Variants in HERC4 observed in about 807,000 individuals in gnomAD.
HERC4 encodes the protein probable E3 ubiquitin-protein ligase HERC4.
A neutral mutation model predicts 124.3 loss-of-function variants in HERC4; 28 were observed. That is an observed-to-expected ratio of 0.23 (90% confidence interval 0.17 to 0.31). The LOEUF (loss-of-function observed/expected upper bound fraction) is 0.31, where lower values mean the gene tolerates loss of function less well. HERC4 is among the 10% of genes least tolerant of loss of function. HERC4 has a pLI of 1.00. For synonymous variants in HERC4, 407 were observed against 421.5 expected (o/e 0.97, Z 0.42); for missense variants, 713 against 1,229.3 (o/e 0.58, Z 6.28).
intron 16 of HERC4, among the ~76,000 whole-genome samples, chr10:67,960,357 G>C (rs1010468477): frequency 3.3e-5 from 5 of 152,020 alleles, no homozygotes; most frequent in South Asian, 4.2e-4. Context: ...GTTCTCAGAT[G>C]GAACTTTCTA....
At chr10:68,018,242 T>C (rs1019269139) in intron 8 of HERC4, among the ~76,000 whole-genome samples, 7 of 150,406 alleles carry the variant, frequency 4.7e-5, no homozygotes, top group African/African-American at 1.7e-4. Flanking sequence ...AAAAAATCCA[T>C]CAATATGCCA....
intron 9 of HERC4, among the ~76,000 whole-genome samples, chr10:67,997,658 T>C (rs960933197): frequency 7.2e-5 from 11 of 152,204 alleles, no homozygotes; most frequent in East Asian, 1.9e-4. Context: ...GAGGTGATTA[T>C]TAAAATTAGG....
intron 15 of HERC4, among the ~76,000 whole-genome samples, chr10:67,978,688 G>C (rs1412012692): frequency 6.6e-6 from 1 of 152,216 alleles, no homozygotes. Flanking sequence ...GCTGGCTTCA[G>C]GTCTGATCCA....
At position 67,932,731 on chromosome 10, in the gene HERC4, C is replaced by T. The variant is rs1426444967; in HGVS notation, c.2704G>A (p.Ala902Thr). Residue 902 changes from alanine to threonine, a missense_variant, in exon 23 of 25, where the codon GCT becomes ACT. Transcript: ENST00000373700. ...GCATGAAAAGCATCAAATAAGGAAG[C>T]CACTGATTTATTGAATATGTAATCC... ...YVDYIFNKSVASLFDAFHAGF... is the reference protein window; with the variant it reads ...YVDYIFNKSVTSLFDAFHAGF... 1 of 1,603,300 alleles carries T rather than the reference C, an allele frequency of 6.2e-7. No homozygotes were observed. Among genetic ancestry groups the T allele is most frequent in the African/African-American group, 1.4e-5 (1 of 74,052 alleles).
intron 5 of HERC4, among the ~76,000 whole-genome samples, chr10:68,037,676 C>CA (rs895005517): frequency 5.3e-5 from 8 of 151,834 alleles, no homozygotes; most frequent in African/African-American, 1.9e-4. Context: ...ATATAATAAA[C>CA]AAAAAATGAC....
rs576090806 is a variant in HERC4 at position 67,947,497 on chromosome 10, T to TAAGATAATAAC, written c.2338-6403_2338-6393dup. Reference sequence around the variant, plus strand: ...AATCAAAGCGAGGTATAGACAGTTCTAAGATAATAACTGGTAGCTTTAATA... The same window carrying TAAGATAATAAC: ...AATCAAAGCGAGGTATAGACAGTTCTAAGATAATAACAAGATAATAACTGGTAGCTTTAATA... On this transcript the variant is annotated intron_variant, in intron 19 of 24. Transcript: ENST00000373700. 3.5e-3 allele frequency among the ~76,000 whole-genome samples: 531 copies of TAAGATAATAAC among 152,350 alleles called. 2 individuals carry two copies. Among genetic ancestry groups the TAAGATAATAAC allele is most frequent in the Middle Eastern group, 0.027 (8 of 294 alleles).
intron 7 of HERC4, among the ~76,000 whole-genome samples, 158 bp downstream of exon 7, chr10:68,032,619 AT>A (rs2039265968): frequency 6.6e-6 from 1 of 152,098 alleles, no homozygotes; most frequent in African/African-American, 2.4e-5. Context: ...AATAAGGTAA[AT>A]TTTTTTCAAG....
At chr10:67,966,326 T>C (rs748094829) in intron 16 of HERC4, 134 of 217,874 alleles carry the variant, frequency 6.2e-4, no homozygotes, top group Non-Finnish European at 1.0e-3. Context: ...AATGCATTCT[T>C]AGGAGTTCCA....
At chr10:67,962,739 G>A (rs1301235711) in intron 16 of HERC4, among the ~76,000 whole-genome samples, 1 of 152,108 alleles carries the variant, frequency 6.6e-6, no homozygotes, top group Non-Finnish European at 1.5e-5. Flanking sequence ...AGGAGGATAA[G>A]GAAACTGAGA....
At chr10:68,037,804 C>A (rs1035664158) in intron 5 of HERC4, among the ~76,000 whole-genome samples, 25 of 152,088 alleles carry the variant, frequency 1.6e-4, no homozygotes, top group African/African-American at 5.1e-4. Context: ...CTTAAATGGA[C>A]AAATATACCG....
At chr10:68,006,771 T>C (rs1293373381) in intron 9 of HERC4, among the ~76,000 whole-genome samples, 1 of 152,210 alleles carries the variant, frequency 6.6e-6, no homozygotes, top group African/African-American at 2.4e-5. Context: ...ATAAATGTTA[T>C]TTTCCTTTAG....
chr10:68,037,457 C>T (rs899718708), intron 5 of HERC4, among the ~76,000 whole-genome samples: 13 of 152,100 alleles, frequency 8.5e-5, no homozygotes, highest in African/African-American at 2.9e-4. Flanking sequence ...GCCCATGTTC[C>T]AATCCTTAGC....
At chr10:68,045,996 A>G (rs961379016) in intron 3 of HERC4, among the ~76,000 whole-genome samples, 2 of 152,204 alleles carry the variant, frequency 1.3e-5, no homozygotes, top group Non-Finnish European at 2.9e-5. Flanking sequence ...TGTATTAAGT[A>G]CTTACCTACT....
chr10:67,940,897 C>T, intron 20 of HERC4, 42 bp downstream of exon 20: 1 of 1,532,484 alleles, frequency 6.5e-7, no homozygotes, highest in Non-Finnish European at 8.8e-7. Flanking sequence ...CACTTTTTAC[C>T]TCCCAAACCC....
chr10:67,966,153 A>G (rs926421781), intron 16 of HERC4: 1 of 152,658 alleles, frequency 6.6e-6, no homozygotes, highest in Non-Finnish European at 1.5e-5. Context: ...AATTTTTTGT[A>G]TTTTTAGTAG....
intron 19 of HERC4, among the ~76,000 whole-genome samples, chr10:67,942,559 T>C (rs916482533): frequency 3.3e-5 from 5 of 152,186 alleles, no homozygotes; most frequent in Non-Finnish European, 7.3e-5. Flanking sequence ...TTGCCCAGGC[T>C]GGAGTGCAAT....
chr10:67,981,949 G>C (rs1396146038), intron 15 of HERC4, among the ~76,000 whole-genome samples: 1 of 151,406 alleles, frequency 6.6e-6, no homozygotes, highest in East Asian at 1.9e-4. Context: ...CATCTCAAAA[G>C]AAAAAAAGAA....
chr10:67,984,072 C>T (rs2036111891), intron 15 of HERC4, among the ~76,000 whole-genome samples: 2 of 152,070 alleles, frequency 1.3e-5, no homozygotes, highest in African/African-American at 2.4e-5. Context: ...GAGGCTGAGG[C>T]AGGTGGATCA....
At chr10:67,947,418 A>G (rs1407220005) in intron 19 of HERC4, among the ~76,000 whole-genome samples, 1 of 152,238 alleles carries the variant, frequency 6.6e-6, no homozygotes, top group Non-Finnish European at 1.5e-5. Context: ...ACAATTACAA[A>G]TAGTTATGAA....
Sources: gnomAD v4.1 joint callset for allele counts (sites outside exome capture counted in the v4.1 genomes callset) on GRCh38, gnomAD v4.1.1 for gene constraint, MANE v1.5 for transcripts, NCBI Gene and HGNC (gene_info 2026-07-23, HGNC 2026-07-21) for gene names.